The following ATP1B3 variants were observed in gnomAD, a reference collection of about 807,000 sequenced individuals.
ATP1B3 encodes sodium/potassium-transporting ATPase subunit beta-3.
Under a neutral mutation model 30.2 loss-of-function variants are expected in ATP1B3, and 10 were observed. That is an observed-to-expected ratio of 0.33 (90% CI 0.20 to 0.56). ATP1B3 has a LOEUF of 0.56. Among genes scored for constraint, ATP1B3 ranks in the 20% least tolerant of loss-of-function variants. ATP1B3 has a pLI of 0.90. For synonymous variants in ATP1B3, 113 were observed against 117.0 expected (o/e 0.97, Z 0.22); for missense variants, 238 against 336.7 (o/e 0.71, Z 2.29).
At chr3:141,917,469 G>GC (rs1934486771) in intron 5 of ATP1B3, among the ~76,000 whole-genome samples, 2 of 151,912 alleles carry the variant, frequency 1.3e-5, no homozygotes, top group Non-Finnish European at 2.9e-5. Context: ...GCTGAGGCAG[G>GC]CAGATCACGA....
At chr3:141,882,082 A>G (rs929934622) in intron 1 of ATP1B3, among the ~76,000 whole-genome samples, 2 of 152,180 alleles carry the variant, frequency 1.3e-5, no homozygotes, top group African/African-American at 2.4e-5. Flanking sequence ...TTGGATTTAT[A>G]TCTATACAAT....
Position 141,876,654 on chromosome 3 carries a change from G to A in ATP1B3, c.-148G>A. 2 of 493,654 alleles carry A rather than the reference G, an allele frequency of 4.1e-6. No homozygotes were observed. Among genetic ancestry groups the A allele is most frequent in the South Asian group, 2.3e-5 (1 of 43,552 alleles). 30.6% of individuals were successfully genotyped at this position (493,654 alleles called of 1,614,324 possible). On this transcript the variant is annotated 5_prime_UTR_variant, in exon 1 of 7. Coordinates refer to ENST00000286371, the MANE Select transcript of ATP1B3 (RefSeq NM_001679.4). ...GCGCGGCGCGGCGCAGTCGGCTCGA[G>A]TACTCCCCGTAACGAGGAGGTGTTC...
intron 1 of ATP1B3, among the ~76,000 whole-genome samples, chr3:141,893,197 C>G (rs369639669): frequency 6.6e-6 from 1 of 151,944 alleles, no homozygotes; most frequent in Non-Finnish European, 1.5e-5. Context: ...TTAGTAGAGA[C>G]GGGGTTTCAC....
At chr3:141,892,825 T>C (rs1353810178) in intron 1 of ATP1B3, among the ~76,000 whole-genome samples, 1 of 152,144 alleles carries the variant, frequency 6.6e-6, no homozygotes, top group East Asian at 1.9e-4. Context: ...TCTATATCTT[T>C]AATGGAGCGG....
chr3:141,923,983 A>G (rs893662130), intron 6 of ATP1B3, among the ~76,000 whole-genome samples: 5 of 152,198 alleles, frequency 3.3e-5, no homozygotes, highest in African/African-American at 1.2e-4. Flanking sequence ...AGGTGGTATG[A>G]GCGAGGTTTC....
At chr3:141,907,016 C>T (rs1187557103) in intron 2 of ATP1B3, 151 bp from the exon 3 acceptor site, 2 of 474,292 alleles carry the variant, frequency 4.2e-6, no homozygotes, top group East Asian at 6.8e-5. Flanking sequence ...ATGTCTATGC[C>T]TTCATAATTA....
chr3:141,913,815 T>C lies in ATP1B3; in HGVS notation c.510T>C (p.Cys170=), dbSNP rs199570687. 6.2e-7 allele frequency: 1 copy of C among 1,612,928 alleles called. No individual in the cohort carries two copies. Among genetic ancestry groups the C allele is most frequent in the African/African-American group, 1.3e-5 (1 of 74,892 alleles). Residue 170 remains cysteine (C), a synonymous_variant, in exon 4 of 7, where the codon TGT becomes TGC. Transcript: ENST00000286371. ...PDFGYSQGNP[C]ILVKMNRIIG... is the part of the protein sequence containing the mutation. The stretch of plus-strand genomic sequence containing the variant: ...TTGGCTATTCTCAAGGAAACCCTTG[T>C]ATTCTTGTGAAAATGAACAGAGTAC...
At chr3:141,894,163 C>G (rs1934013937) in intron 1 of ATP1B3, among the ~76,000 whole-genome samples, 2 of 152,218 alleles carry the variant, frequency 1.3e-5, no homozygotes, top group South Asian at 4.1e-4. Context: ...ATGGAGCTTG[C>G]AGGACTACAG....
chr3:141,913,958 G>T (rs1934411807), intron 4 of ATP1B3, 122 bp downstream of exon 4: 2 of 934,480 alleles, frequency 2.1e-6, no homozygotes, highest in Non-Finnish European at 3.1e-6. Flanking sequence ...CATTTGGGGG[G>T]TAGCTTGCTT....
chr3:141,911,099 A>T (rs1490809728), intron 3 of ATP1B3, among the ~76,000 whole-genome samples: 1 of 151,880 alleles, frequency 6.6e-6, no homozygotes, highest in East Asian at 1.9e-4. Flanking sequence ...CAGGTTTTTC[A>T]GGATGAAGAC....
chr3:141,917,609 G>A (rs188304677), intron 5 of ATP1B3, among the ~76,000 whole-genome samples: 28 of 151,964 alleles, frequency 1.8e-4, no homozygotes, highest in East Asian at 3.9e-4. Flanking sequence ...CAAAGGAACC[G>A]CTTGAACCTG....
chr3:141,876,792 C>G lies in ATP1B3; in HGVS notation c.-10C>G. On this transcript the variant is annotated 5_prime_UTR_variant, in exon 1 of 7. Coordinates refer to ENST00000286371, the MANE Select transcript of ATP1B3 (RefSeq NM_001679.4). ...CGGCCGCAGCTCCTCTCGCCGTCCG[C>G]GCGCACACCATGACGAAGAACGAGA... 6.3e-7 allele frequency: 1 copy of G among 1,587,534 alleles called. No homozygotes were observed. The highest frequency in any genetic ancestry group is 8.6e-7 in the Non-Finnish European group (1 of 1,165,790).
intron 2 of ATP1B3, among the ~76,000 whole-genome samples, 155 bp from the exon 3 acceptor site, chr3:141,907,012 A>G (rs947030070): frequency 2.0e-5 from 3 of 152,212 alleles, no homozygotes; most frequent in East Asian, 1.9e-4. Context: ...TTAGATGTCT[A>G]TGCCTTCATA....
Position 141,925,890 on chromosome 3 carries a change from C to T in ATP1B3, c.*189C>T. 1 of 673,648 alleles carries T rather than the reference C, an allele frequency of 1.5e-6. No homozygotes were observed. Among genetic ancestry groups the T allele is most frequent in the Non-Finnish European group, 2.4e-6 (1 of 421,916 alleles). 41.7% of individuals were successfully genotyped at this position (673,648 alleles called of 1,614,324 possible). A position where few individuals can be genotyped will look rare whatever the true frequency, so the allele number is the denominator to read the frequency against. Reference sequence around the variant, plus strand: ...CCTCTGAAGTAACTGCCTGTTGCCTCTGCTGCCCTTTGAACCAGTGTACAG... The same window carrying T: ...CCTCTGAAGTAACTGCCTGTTGCCTTTGCTGCCCTTTGAACCAGTGTACAG... On this transcript the variant is annotated 3_prime_UTR_variant, in exon 7 of 7. Transcript: ENST00000286371.
intron 1 of ATP1B3, among the ~76,000 whole-genome samples, chr3:141,897,896 GAC>G (rs1053947413): frequency 2.0e-5 from 3 of 152,132 alleles, no homozygotes; most frequent in Admixed American, 6.6e-5. Context: ...TTTTAGTAGA[GAC>G]TGGTTTTCAC....
At chr3:141,919,800 G>A (rs369898788) in intron 5 of ATP1B3, among the ~76,000 whole-genome samples, 3 of 151,996 alleles carry the variant, frequency 2.0e-5, no homozygotes, top group Admixed American at 1.3e-4. Flanking sequence ...TGAGCCTGAC[G>A]TGGTGGCATG....
chr3:141,914,379 A>G (rs1313888105), intron 4 of ATP1B3, among the ~76,000 whole-genome samples: 4 of 152,238 alleles, frequency 2.6e-5, no homozygotes, highest in Admixed American at 2.6e-4. Context: ...TATCCAAAGT[A>G]GCAGCATTTT....
chr3:141,905,408 C>G (rs946791383), intron 2 of ATP1B3, among the ~76,000 whole-genome samples: 1 of 152,124 alleles, frequency 6.6e-6, no homozygotes, highest in Non-Finnish European at 1.5e-5. Context: ...GGGCAACCCC[C>G]ACAACAAAGA....
At chr3:141,887,678 G>A (rs925236389) in intron 1 of ATP1B3, among the ~76,000 whole-genome samples, 2 of 152,106 alleles carry the variant, frequency 1.3e-5, no homozygotes, top group Admixed American at 6.6e-5. Context: ...TATCAGCTAG[G>A]CGATAGATAA....
Sources: allele counts gnomAD v4.1 joint callset (sites outside exome capture counted in the v4.1 genomes callset), GRCh38; gene constraint gnomAD v4.1.1; transcripts MANE v1.5; gene names NCBI Gene and HGNC (gene_info 2026-07-23, HGNC 2026-07-21).